IGSF3: variants seen among roughly 807,000 people sequenced by gnomAD.
IGSF3 encodes the protein glu-Trp-Ile EWI motif-containing protein 3.
In IGSF3, 23 loss-of-function variants were observed where a neutral mutation model predicts 114.4. That is an observed-to-expected ratio of 0.20 (90% CI 0.14 to 0.28). IGSF3 has a LOEUF of 0.28. IGSF3 is among the 10% of genes least tolerant of loss of function. The pLI is 1.00. For synonymous variants in IGSF3, 571 were observed against 645.2 expected (o/e 0.88, Z 1.74); for missense variants, 1,172 against 1,591.5 (o/e 0.74, Z 4.48).
At position 116,603,374 on chromosome 1, in the gene IGSF3, C is replaced by G. The variant is rs61786576; in HGVS notation, c.1624+250G>C. 6.6e-6 allele frequency among the ~76,000 whole-genome samples: 1 copy of G among 152,216 alleles called. No individual in the cohort carries two copies. Among genetic ancestry groups the G allele is most frequent in the Admixed American group, 6.5e-5 (1 of 15,286 alleles). On this transcript the variant is annotated intron_variant, in intron 6 of 10. Coordinates refer to ENST00000369486, the MANE Select transcript of IGSF3 (RefSeq NM_001007237.3). This position sits in a 1 kb window ranked among gnomAD's most constrained non-coding sequence, Gnocchi z 7.1. ...AGCCAGACTAGGAGTAGTCACAGCT[C>G]CCAGCTATTGCTATCCCTCAGGAGC...
rs1362475666 is a variant in IGSF3 at position 116,584,168 on chromosome 1, C to G, written c.2848+477G>C. Among the ~76,000 whole-genome samples, 1 of 149,388 alleles carries G rather than the reference C, an allele frequency of 6.7e-6. No individual in the cohort carries two copies. Among genetic ancestry groups the G allele is most frequent in the Non-Finnish European group, 1.5e-5 (1 of 67,804 alleles). On this transcript the variant is annotated intron_variant, in intron 9 of 10. Coordinates refer to ENST00000369486, the MANE Select transcript of IGSF3 (RefSeq NM_001007237.3). The surrounding 1 kb of genome is among the most constrained non-coding windows in gnomAD (Gnocchi z 5.8). Reference sequence around the variant, plus strand: ...CGCACCACTGCACTCTGCACTCCAGCCTGGGTGACAGAGTGAGACTCCGTT... The same window carrying G: ...CGCACCACTGCACTCTGCACTCCAGGCTGGGTGACAGAGTGAGACTCCGTT...
chr1:116,626,397 T>C (rs970743583), intron 2 of IGSF3, among the ~76,000 whole-genome samples: 1 of 152,220 alleles, frequency 6.6e-6, no homozygotes, highest in African/African-American at 2.4e-5. Flanking sequence ...AGATCAAATA[T>C]AGTTCCCATT....
rs1268320369 is a variant in IGSF3, at chr1:116,615,605, A to G, written c.421+475T>C. Among the ~76,000 whole-genome samples, 1 of 152,274 alleles carries G rather than the reference A, an allele frequency of 6.6e-6. No homozygotes were observed. Among genetic ancestry groups the G allele is most frequent in the East Asian group, 1.9e-4 (1 of 5,174 alleles). ...ACAGCCAGTTCATAGTTCCTTACGC[A>G]TGGAGCCAAAGGACCTTCAATGTAC... On this transcript the variant is annotated intron_variant, in intron 3 of 10. Coordinates refer to ENST00000369486, the MANE Select transcript of IGSF3 (RefSeq NM_001007237.3). This position sits in a 1 kb window ranked among gnomAD's most constrained non-coding sequence, Gnocchi z 4.3.
In IGSF3 at chr1:116,666,377, T is replaced by C; in HGVS notation, c.-51A>G. ...ACAAGGCGCTTCCTCTTCTCCCAGC[T>C]CCTAATCTCTCATTTCTGGCAATCC... is the stretch of plus-strand genomic sequence containing the variant. On this transcript the variant is annotated 5_prime_UTR_variant, in exon 2 of 11. Transcript: ENST00000369486. The C allele has an allele frequency of 6.5e-7, 1 of 1,546,506 alleles. No individual in the cohort carries two copies. The highest frequency in any genetic ancestry group is 8.9e-7 in the Non-Finnish European group (1 of 1,118,390).
rs2284863 is a variant in IGSF3 at position 116,650,130 on chromosome 1, A to T, written c.43+16154T>A. 6.6e-6 allele frequency among the ~76,000 whole-genome samples: 1 copy of T among 152,100 alleles called. No individual in the cohort carries two copies. The highest frequency in any genetic ancestry group is 1.5e-5 in the Non-Finnish European group (1 of 68,010). On this transcript the variant is annotated intron_variant, in intron 2 of 10. Transcript: ENST00000369486. The surrounding 1 kb of genome is among the most constrained non-coding windows in gnomAD (Gnocchi z 5.0). ...TGATAATCTGAATGGTACAAGAAGA[A>T]ATCCTGTTTCATGCTCCTTTGAGGG...
At position 116,646,286 on chromosome 1, in the gene IGSF3, G is replaced by T. The variant is rs143360237; in HGVS notation, c.43+19998C>A. On this transcript the variant is annotated intron_variant, in intron 2 of 10. Coordinates refer to ENST00000369486, the MANE Select transcript of IGSF3 (RefSeq NM_001007237.3). ...GGCGAAACAGACAGAGCCTTCTTTT[G>T]TCCGGCTTCTGGTGAAACGCCATTA... Among the ~76,000 whole-genome samples the T allele has an allele frequency of 3.8e-3, 586 of 152,270 alleles. 6 individuals carry two copies. Among genetic ancestry groups the T allele is most frequent in the African/African-American group, 0.013 (559 of 41,552 alleles).
In IGSF3 at chr1:116,627,099, C is replaced by T. The variant is rs1345841528; in HGVS notation, c.44-10642G>A. 3.3e-5 allele frequency among the ~76,000 whole-genome samples: 5 copies of T among 152,074 alleles called. No individual in the cohort carries two copies. The highest frequency in any genetic ancestry group is 4.8e-5 in the African/African-American group (2 of 41,396). ...ACTCTGACCGCTCTTTCTTTCCGTC[C>T]GGTTTTGGAGATAACAGAAATAGGC... On this transcript the variant is annotated intron_variant, in intron 2 of 10. Coordinates refer to ENST00000369486, the MANE Select transcript of IGSF3 (RefSeq NM_001007237.3). The surrounding 1 kb of genome is among the most constrained non-coding windows in gnomAD (Gnocchi z 4.7).
At position 116,588,804 on chromosome 1, in the gene IGSF3, C is replaced by G. The variant is rs1467548165; in HGVS notation, c.2330G>C (p.Ser777Thr). 1.9e-6 allele frequency: 3 copies of G among 1,614,166 alleles called. No individual in the cohort carries two copies. The highest frequency in any genetic ancestry group is 2.5e-6 in the Non-Finnish European group (3 of 1,179,974). The change falls in exon 8 of 11, where the codon AGC (serine) becomes ACC (threonine). Residue 777 changes from serine to threonine, a missense_variant. Coordinates refer to ENST00000369486, the MANE Select transcript of IGSF3 (RefSeq NM_001007237.3). This position sits in a 1 kb window ranked among gnomAD's most constrained non-coding sequence, Gnocchi z 4.9. ...CTCCACGTGGCAGTAGTAGCTGCCGCTGTCGCTGACCTCGGCTCTCTGGAC... is the reference window on the plus strand; with the variant it reads ...CTCCACGTGGCAGTAGTAGCTGCCGGTGTCGCTGACCTCGGCTCTCTGGAC... ...LTVQRAEVSD[S>T]GSYYCHVEEW...
chr1:116,620,193 G>A (rs1456783277), intron 2 of IGSF3, among the ~76,000 whole-genome samples: 1 of 151,986 alleles, frequency 6.6e-6, no homozygotes, highest in African/African-American at 2.4e-5. Flanking sequence ...GCCCCTTTTG[G>A]CCATCCCAGA....
At position 116,579,911 on chromosome 1, in the gene IGSF3, T is replaced by C. The variant is rs755381226; in HGVS notation, c.2849-34A>G. 1 of 1,539,664 alleles carries C rather than the reference T, an allele frequency of 6.5e-7. No homozygotes were observed. The highest frequency in any genetic ancestry group is 1.2e-5 in the South Asian group (1 of 82,414). The stretch of plus-strand genomic sequence containing the variant: ...TGACAAGGGACAAACAGGGAAGGGG[T>C]TGTTTAAATTTATTTGCTCAAAATA... On this transcript the variant is annotated intron_variant, in intron 9 of 10. Transcript: ENST00000369486. The surrounding 1 kb of genome is among the most constrained non-coding windows in gnomAD (Gnocchi z 6.4).
At position 116,627,678 on chromosome 1, in the gene IGSF3, G is replaced by A. The variant is rs1368592387; in HGVS notation, c.44-11221C>T. Among the ~76,000 whole-genome samples the A allele has an allele frequency of 6.6e-6, 1 of 152,178 alleles. No homozygotes were observed. The highest frequency in any genetic ancestry group is 1.5e-5 in the Non-Finnish European group (1 of 68,020). On this transcript the variant is annotated intron_variant, in intron 2 of 10. Transcript: ENST00000369486. The surrounding 1 kb of genome is among the most constrained non-coding windows in gnomAD (Gnocchi z 4.7). Reference sequence around the variant, plus strand: ...CGGGGCGCCAACAGCAAAAGCACTTGGGGGGCTTTTTCAAGTGGCATCAGA... The same window carrying A: ...CGGGGCGCCAACAGCAAAAGCACTTAGGGGGCTTTTTCAAGTGGCATCAGA...
At chr1:116,631,904 A>T (rs545767005) in intron 2 of IGSF3, among the ~76,000 whole-genome samples, 11 of 152,312 alleles carry the variant, frequency 7.2e-5, no homozygotes, top group African/African-American at 2.4e-4. Context: ...AAAACAGTTA[A>T]TTCAAGGCCA....
rs1057352643 is a variant in IGSF3, at chr1:116,584,823, C to T, written c.2670G>A (p.Arg890=). The part of the protein sequence containing the change: ...EQAAKNNLKG[R]LHLESPSPGV... The stretch of plus-strand genomic sequence containing the variant: ...CGGGGGAAGGACTCTCCAAATGCAG[C>T]CGCCCCTTCAGATTGTTCTTGGCTG... Residue 890 remains arginine, a synonymous_variant, in exon 9 of 11, where the codon CGG becomes CGA. Coordinates refer to ENST00000369486, the MANE Select transcript of IGSF3 (RefSeq NM_001007237.3). The surrounding 1 kb of genome is among the most constrained non-coding windows in gnomAD (Gnocchi z 5.8). 3.1e-6 allele frequency: 5 copies of T among 1,614,260 alleles called. No homozygotes were observed. Among genetic ancestry groups the T allele is most frequent in the Middle Eastern group, 3.3e-4 (2 of 6,056 alleles).
chr1:116,608,532 G>C (rs200609069), intron 4 of IGSF3, among the ~76,000 whole-genome samples: 14 of 152,142 alleles, frequency 9.2e-5, no homozygotes, highest in South Asian at 2.1e-4. Flanking sequence ...ATATCACAGA[G>C]AGAATTCAAA....
intron 8 of IGSF3, among the ~76,000 whole-genome samples, chr1:116,587,916 G>A (rs1659922867): frequency 6.6e-6 from 1 of 152,208 alleles, no homozygotes. Context: ...AGGCCCTTCA[G>A]GCTACACTAT....
chr1:116,663,667 T>A (rs1381220782), intron 2 of IGSF3, among the ~76,000 whole-genome samples: 6 of 152,108 alleles, frequency 3.9e-5, no homozygotes, highest in Admixed American at 3.9e-4. Context: ...CTGATTCCAA[T>A]CCCAGACACT....
At chr1:116,635,049 G>A (rs1233588161) in intron 2 of IGSF3, among the ~76,000 whole-genome samples, 1 of 152,172 alleles carries the variant, frequency 6.6e-6, no homozygotes, top group African/African-American at 2.4e-5. Flanking sequence ...AGCCCTTCCT[G>A]ATGTTGACAT....
At position 116,616,805 on chromosome 1, in the gene IGSF3, G is replaced by A. The variant is rs4044861; in HGVS notation, c.44-348C>T. 6.6e-6 allele frequency among the ~76,000 whole-genome samples: 1 copy of A among 152,192 alleles called. No individual in the cohort carries two copies. Among genetic ancestry groups the A allele is most frequent in the Admixed American group, 6.5e-5 (1 of 15,278 alleles). ...CTGTGTATGAAGTTTTTAATAAAAT[G>A]AGCAGGAAAAGTTGAATCCTTGGCA... On this transcript the variant is annotated intron_variant, in intron 2 of 10. Coordinates refer to ENST00000369486, the MANE Select transcript of IGSF3 (RefSeq NM_001007237.3). This position sits in a 1 kb window ranked among gnomAD's most constrained non-coding sequence, Gnocchi z 6.6.
In IGSF3 at chr1:116,616,732, C is replaced by T. The variant is rs1325799677; in HGVS notation, c.44-275G>A. ...GCTGACCCTTGGGAATTTCATTTAG[C>T]CCCTCTGTTTGTCATTTATATGGCA... is the stretch of plus-strand genomic sequence containing the variant. On this transcript the variant is annotated intron_variant, in intron 2 of 10. Coordinates refer to ENST00000369486, the MANE Select transcript of IGSF3 (RefSeq NM_001007237.3). This position sits in a 1 kb window ranked among gnomAD's most constrained non-coding sequence, Gnocchi z 6.6. Among the ~76,000 whole-genome samples, 2 of 152,162 alleles carry T rather than the reference C, an allele frequency of 1.3e-5. No homozygotes were observed. The highest frequency in any genetic ancestry group is 2.1e-4 in the South Asian group (1 of 4,834).
Sources: allele counts gnomAD v4.1 joint callset (sites outside exome capture counted in the v4.1 genomes callset), GRCh38; gene constraint gnomAD v4.1.1; non-coding constraint Gnocchi (gnomAD v3.1); transcripts MANE v1.5; gene names NCBI Gene and HGNC (gene_info 2026-07-23, HGNC 2026-07-21).